TAP2: variants seen among roughly 807,000 people sequenced by gnomAD.
TAP2 encodes the protein antigen peptide transporter 2.
TAP2 carries 49 observed loss-of-function variants against 74.7 expected under a neutral mutation model. The ratio of observed to expected loss-of-function variants is 0.66; its 90% confidence interval spans 0.52 to 0.83. TAP2 has a LOEUF of 0.83. Ranked by LOEUF, TAP2 falls within the 40% of genes least tolerant of loss-of-function variation. TAP2 has a pLI of 0.00. For missense variants in TAP2, 739 were observed against 859.0 expected, an observed-to-expected ratio of 0.86 and a Z score of 1.75; for synonymous variants, 306 against 368.4, an observed-to-expected ratio of 0.83 and a Z score of 1.94.
Position 32,838,253 on chromosome 6 carries a change from A to G in TAP2, c.-4-16T>C. On this transcript the variant is annotated splice_polypyrimidine_tract_variant and intron_variant, in intron 1 of 11. Coordinates refer to ENST00000374897, the MANE Select transcript of TAP2 (RefSeq NM_001290043.2). ...CCGCATGGCTCTGTCAACGGATACG[A>G]GATGAGAAATCATGGGGGTGGAGTC... The G allele has an allele frequency of 6.5e-7, 1 of 1,540,500 alleles. No individual in the cohort carries two copies. The highest frequency in any genetic ancestry group is 8.7e-7 in the Non-Finnish European group (1 of 1,149,012).
chr6:32,830,959 T>C lies in TAP2; in HGVS notation c.1273-153A>G, dbSNP rs891784446. 3.3e-5 allele frequency among the ~76,000 whole-genome samples: 5 copies of C among 152,318 alleles called. No individual in the cohort carries two copies. The South Asian group carries it at 8.3e-4, about 25-fold the overall frequency. ...TTTTAAATGTACAATTTGGACGGAA[T>C]TTAAAAGTGGCACCAATACCCCAGT... On this transcript the variant is annotated intron_variant, in intron 7 of 11. Transcript: ENST00000374897.
Position 32,832,834 on chromosome 6 carries a change from A to T in TAP2, c.946-10T>A, listed in dbSNP as rs1416072299. The T allele has an allele frequency of 6.2e-6, 10 of 1,611,324 alleles. No individual in the cohort carries two copies. The highest frequency in any genetic ancestry group is 8.5e-6 in the Non-Finnish European group (10 of 1,179,958). Reference sequence around the variant, plus strand: ...TCTCCCGAAGCACTTCCTGGAAAAGAGGGCCAGCAAACACCAGGGCTGATG... The same window carrying T: ...TCTCCCGAAGCACTTCCTGGAAAAGTGGGCCAGCAAACACCAGGGCTGATG... On this transcript the variant is annotated splice_polypyrimidine_tract_variant and intron_variant, in intron 5 of 11. Coordinates refer to ENST00000374897, the MANE Select transcript of TAP2 (RefSeq NM_001290043.2). The surrounding 1 kb of genome is among the most constrained non-coding windows in gnomAD (Gnocchi z 5.9).
At chr6:32,829,363 C>T (rs1042809564) in intron 11 of TAP2, 37 bp downstream of exon 11, 4 of 1,569,598 alleles carry the variant, frequency 2.5e-6, no homozygotes, top group African/African-American at 2.7e-5. Flanking sequence ...ATGCCCCTCC[C>T]AGGCCCCACT....
At position 32,830,444 on chromosome 6, in the gene TAP2, G is replaced by A; in HGVS notation, c.1462-4C>T. 6.2e-7 allele frequency: 1 copy of A among 1,611,350 alleles called. No homozygotes were observed. The highest frequency in any genetic ancestry group is 8.5e-7 in the Non-Finnish European group (1 of 1,179,222). Reference sequence around the variant, plus strand: ...GACGTAGGGTAAACGTCAGCCCCTAGAAAACCAGAAAAAGAGTTAAGGGCC... The same window carrying A: ...GACGTAGGGTAAACGTCAGCCCCTAAAAAACCAGAAAAAGAGTTAAGGGCC... On this transcript the variant is annotated splice_region_variant and splice_polypyrimidine_tract_variant and intron_variant, in intron 8 of 11. Transcript: ENST00000374897.
chr6:32,828,527 T>C lies in TAP2; in HGVS notation c.*379A>G, dbSNP rs1768801502. On this transcript the variant is annotated 3_prime_UTR_variant, in exon 12 of 12. Transcript: ENST00000374897. ...ACTTTTACTTTTCTTCTTTGTACTT[T>C]TTTATATTGTCTAAATTTTCTATAT... The C allele has an allele frequency of 2.0e-6, 2 of 978,992 alleles. No individual in the cohort carries two copies. The highest frequency in any genetic ancestry group is 2.4e-6 in the Non-Finnish European group (2 of 823,012). 60.6% of individuals were successfully genotyped at this position (978,992 alleles called of 1,614,324 possible). A position where few individuals can be genotyped will look rare whatever the true frequency, so the allele number is the denominator to read the frequency against.
In TAP2 at chr6:32,835,911, A is replaced by G; in HGVS notation, c.609-138T>C. ...GCCAGGAGGGGCAAAAGAGAAAGAA[A>G]TGAGAGACAGACACACAGAGAGAGA... On this transcript the variant is annotated intron_variant, in intron 3 of 11. Transcript: ENST00000374897. This position sits in a 1 kb window ranked among gnomAD's most constrained non-coding sequence, Gnocchi z 4.0. 1.9e-6 allele frequency: 2 copies of G among 1,040,070 alleles called. No individual in the cohort carries two copies. Among genetic ancestry groups the G allele is most frequent in the Non-Finnish European group, 2.9e-6 (2 of 690,840 alleles). 64.4% of individuals were successfully genotyped at this position (1,040,070 alleles called of 1,614,324 possible).
rs117413512 is a variant in TAP2, at chr6:32,826,642, C to T, written c.*2264G>A. On this transcript the variant is annotated 3_prime_UTR_variant, in exon 12 of 12. Coordinates refer to ENST00000374897, the MANE Select transcript of TAP2 (RefSeq NM_001290043.2). ...CTGAGATAAGAAACTTTCAGGACAT[C>T]TTAAGGTCTACTGCATCTTCCTGTA... 27 of 985,462 alleles carry T rather than the reference C, an allele frequency of 2.7e-5. 1 individual carries two copies. In the East Asian group the frequency reaches 2.8e-3, roughly 104 times the overall value. 61.0% of individuals were successfully genotyped at this position (985,462 alleles called of 1,614,324 possible). A position where few individuals can be genotyped will look rare whatever the true frequency, so the allele number is the denominator to read the frequency against.
rs775935982 is a variant in TAP2 at position 32,832,382 on chromosome 6, C to A, written c.1223G>T (p.Ser408Ile). Residue 408 changes from serine to isoleucine, a missense_variant, in exon 7 of 12, where the codon AGC becomes ATC. Ser to Ile is a moderately radical substitution (Grantham distance 142). Coordinates refer to ENST00000374897, the MANE Select transcript of TAP2 (RefSeq NM_001290043.2). This position sits in a 1 kb window ranked among gnomAD's most constrained non-coding sequence, Gnocchi z 5.9. ...CTGGTAGATCATAAAGGAAAGCAGG[C>A]TGCCCTGGGTGAGCTCCCCATCCTG... ...QMQDGELTQG[S>I]LLSFMIYQES... 1 of 1,613,026 alleles carries A rather than the reference C, an allele frequency of 6.2e-7. No individual in the cohort carries two copies. Among genetic ancestry groups the A allele is most frequent in the Admixed American group, 1.7e-5 (1 of 60,020 alleles).
At chr6:32,822,615 C>T (rs983933206), downstream of TAP2, among the ~76,000 whole-genome samples, 2 of 149,252 alleles carry the variant, frequency 1.3e-5, no homozygotes, top group Non-Finnish European at 3.0e-5. Flanking sequence ...TCATAGCTCA[C>T]TGCAGCCTTG....
chr6:32,822,199 C>A, downstream of TAP2: 2 of 1,108,144 alleles, frequency 1.8e-6, no homozygotes, highest in Admixed American at 2.2e-5. Context: ...TTGTCCATCA[C>A]CTCATCCTGA....
chr6:32,837,547 A>T lies in TAP2; in HGVS notation c.598T>A (p.Ser200Thr). The change falls in exon 3 of 12, where the codon TCC (serine) becomes ACC (threonine). Residue 200 changes from serine (S) to threonine (T), a missense_variant. Coordinates refer to ENST00000374897, the MANE Select transcript of TAP2 (RefSeq NM_001290043.2). ...ASAIFFMCLFSFGSSLSAGCR... is the reference protein window; with the variant it reads ...ASAIFFMCLFTFGSSLSAGCR... Reference sequence around the variant, plus strand: ...CTGCCCACCACCTACCTGCCAAAGGAGAAGAGGCACATGAAGAAGATGGCA... The same window carrying T: ...CTGCCCACCACCTACCTGCCAAAGGTGAAGAGGCACATGAAGAAGATGGCA... 6.2e-7 allele frequency: 1 copy of T among 1,613,996 alleles called. No individual in the cohort carries two copies. Among genetic ancestry groups the T allele is most frequent in the Non-Finnish European group, 8.5e-7 (1 of 1,179,926 alleles).
downstream of TAP2, chr6:32,822,312 G>A (rs16870908): frequency 0.054 from 83,182 of 1,528,880 alleles, 3,629 homozygotes; most frequent in African/African-American, 0.22. Flanking sequence ...AACTTCCAAA[G>A]GGTTTTCTAG....
In TAP2 at chr6:32,830,336, G is replaced by A. The variant is rs746322298; in HGVS notation, c.1566C>T (p.Pro522=). 6.2e-7 allele frequency: 1 copy of A among 1,613,020 alleles called. No individual in the cohort carries two copies. The highest frequency in any genetic ancestry group is 1.7e-5 in the Admixed American group (1 of 60,012). The change falls in exon 9 of 12, where the codon CCC becomes CCT. Residue 522 remains proline, a synonymous_variant. Transcript: ENST00000374897. ...VAALLQNLYQ[P]TGGQVLLDEK... is the part of the protein sequence containing the mutation. ...CATCCAGCAGCACCTGTCCCCCTGT[G>A]GGCTGGTACAGATTCTGCAGCAGGG...
chr6:32,822,082 T>G (rs1768317008), downstream of TAP2: 2 of 567,276 alleles, frequency 3.5e-6, no homozygotes, highest in Non-Finnish European at 6.4e-6. Flanking sequence ...ACCAAAGGCT[T>G]TGGGCTCCAA....
downstream of TAP2, chr6:32,825,345 G>A (rs1157145252): frequency 6.6e-6 from 1 of 151,996 alleles, no homozygotes; most frequent in Non-Finnish European, 1.5e-5. Context: ...AACAGCAAAA[G>A]ACTTCCAATA....
At chr6:32,836,008 CAT>C (rs1004888205) in intron 3 of TAP2, among the ~76,000 whole-genome samples, 5 of 152,138 alleles carry the variant, frequency 3.3e-5, no homozygotes, top group Admixed American at 1.3e-4. Flanking sequence ...AAAATCATAA[CAT>C]GTACAAATTT....
At chr6:32,829,639 G>T in intron 10 of TAP2, 103 bp from the exon 11 acceptor site, 1 of 1,564,668 alleles carries the variant, frequency 6.4e-7, no homozygotes, top group East Asian at 2.2e-5. Context: ...ACCTCGGGAG[G>T]TGGGAGGGCC....
chr6:32,835,414 C>T lies in TAP2; in HGVS notation c.740-55G>A, dbSNP rs1170682362. 1 of 1,582,592 alleles carries T rather than the reference C, an allele frequency of 6.3e-7. No homozygotes were observed. Among genetic ancestry groups the T allele is most frequent in the Non-Finnish European group, 8.7e-7 (1 of 1,154,472 alleles). On this transcript the variant is annotated intron_variant, in intron 4 of 11. Coordinates refer to ENST00000374897, the MANE Select transcript of TAP2 (RefSeq NM_001290043.2). The surrounding 1 kb of genome is among the most constrained non-coding windows in gnomAD (Gnocchi z 4.0). ...GGAAACCATGTGTACTGCAGGGCCC[C>T]CAGAAACTCCCTCCTGACCGTTCCC... is the stretch of plus-strand genomic sequence containing the variant.
intron 11 of TAP2, 88 bp downstream of exon 11, chr6:32,829,312 T>C (rs938557305): frequency 3.9e-6 from 6 of 1,540,384 alleles, no homozygotes; most frequent in Middle Eastern, 2.2e-4. Context: ...AGGTCCTTCG[T>C]CCTCCCTCTG....
Sources: gnomAD v4.1 joint callset for allele counts (sites outside exome capture counted in the v4.1 genomes callset) on GRCh38, gnomAD v4.1.1 for gene constraint, Gnocchi (gnomAD v3.1) non-coding constraint, MANE v1.5 for transcripts, NCBI Gene and HGNC (gene_info 2026-07-23, HGNC 2026-07-21) for gene names.